Variants in PRLR observed in about 807,000 individuals in gnomAD.
The protein encoded by PRLR is prolactin receptor.
PRLR carries 13 observed loss-of-function variants against 40.2 expected under a neutral mutation model. The observed-to-expected ratio is 0.32, with a 90% CI of 0.21 to 0.51. The LOEUF (loss-of-function observed/expected upper bound fraction) is 0.51, where lower values mean the gene tolerates loss of function less well. PRLR is among the 20% of genes least tolerant of loss of function. PRLR has a pLI of 0.97. For missense variants in PRLR, 656 were observed against 747.3 expected, an observed-to-expected ratio of 0.88 and a Z score of 1.42; for synonymous variants, 269 against 278.7, an observed-to-expected ratio of 0.97 and a Z score of 0.35.
chr5:35,067,735 G>A (rs1018049593), intron 9 of PRLR, among the ~76,000 whole-genome samples: 4 of 152,096 alleles, frequency 2.6e-5, no homozygotes, highest in Non-Finnish European at 4.4e-5. Flanking sequence ...GCAAACAGAT[G>A]GCCCCACAGT....
At chr5:35,108,770 C>A (rs1772443223) in intron 2 of PRLR, among the ~76,000 whole-genome samples, 1 of 152,128 alleles carries the variant, frequency 6.6e-6, no homozygotes, top group Admixed American at 6.5e-5. Context: ...TAATCAACAT[C>A]ATAAAAATGG....
chr5:35,181,487 G>A (rs768734019), intron 1 of PRLR, among the ~76,000 whole-genome samples: 3 of 152,268 alleles, frequency 2.0e-5, no homozygotes, highest in Non-Finnish European at 4.4e-5. Context: ...CTAGGTAGAT[G>A]TCTATTAAGT....
In PRLR at chr5:35,065,124, G is replaced by A; in HGVS notation, c.1834C>T (p.Leu612=). 6.2e-7 allele frequency: 1 copy of A among 1,613,866 alleles called. No homozygotes were observed. Among genetic ancestry groups the A allele is most frequent in the South Asian group, 1.1e-5 (1 of 91,056 alleles). The change falls in exon 10 of 10, where the codon CTG becomes TTG. Residue 612 remains leucine, a synonymous_variant. Transcript: ENST00000618457. ...CRLQLGGLDY[L]DPACFTHSFH is the part of the protein sequence containing the mutation. The stretch of plus-strand genomic sequence containing the variant: ...GAGTGTGTAAAACATGCGGGATCCA[G>A]GTAATCCAAACCACCCAGCTGGAGC...
intron 1 of PRLR, among the ~76,000 whole-genome samples, chr5:35,176,543 T>C (rs1462700135): frequency 1.3e-5 from 2 of 152,238 alleles, no homozygotes; most frequent in African/African-American, 4.8e-5. Context: ...CTGAAACATG[T>C]GCTGTGTCAA....
intron 1 of PRLR, among the ~76,000 whole-genome samples, chr5:35,139,900 A>T (rs560385929): frequency 4.3e-4 from 65 of 150,292 alleles, no homozygotes; most frequent in African/African-American, 1.5e-3. Flanking sequence ...ATTAGAGCAA[A>T]TAAAAAATAT....
At chr5:35,079,722 A>T (rs1471849568) in intron 5 of PRLR, among the ~76,000 whole-genome samples, 1 of 152,268 alleles carries the variant, frequency 6.6e-6, no homozygotes, top group Non-Finnish European at 1.5e-5. Flanking sequence ...AAGAGCCCGT[A>T]TTGCCAAAAC....
chr5:35,049,903 CTTTTTTTT>C (rs57649490), intron 8 of PRLR, among the ~76,000 whole-genome samples: 3 of 123,548 alleles, frequency 2.4e-5, no homozygotes, highest in African/African-American at 9.4e-5. Flanking sequence ...AAACTACATT[CTTTTTTTT>C]TTTTTTTTTT....
chr5:35,091,182 GA>G (rs1327208336), intron 2 of PRLR, among the ~76,000 whole-genome samples: 3 of 152,122 alleles, frequency 2.0e-5, no homozygotes, highest in Admixed American at 1.3e-4. Context: ...CCTGTGAGGT[GA>G]CCCGTATTTT....
At chr5:35,051,042 T>C (rs527801034), downstream of PRLR, among the ~76,000 whole-genome samples, 3 of 152,358 alleles carry the variant, frequency 2.0e-5, no homozygotes, top group Admixed American at 6.5e-5. Flanking sequence ...AAACTGATTT[T>C]CTTGAAAAAT....
rs1274388965 is a variant in PRLR at position 35,191,219 on chromosome 5, C to T, written c.-106+39049G>A. Among the ~76,000 whole-genome samples, 8 of 127,976 alleles carry T rather than the reference C, an allele frequency of 6.3e-5. 1 individual carries two copies. Among genetic ancestry groups the T allele is most frequent in the Non-Finnish European group, 8.5e-5 (5 of 58,766 alleles). The allele number at this position is 127,976 out of a possible 152,430, so 84.0% of individuals were successfully genotyped here. A position where few individuals can be genotyped will look rare whatever the true frequency, so the allele number is the denominator to read the frequency against. ...CCAAGTAGCTGGGACTACAGGCGCCCGCCACTACGCCCGGCTAATTTTTTG... is the reference window on the plus strand; with the variant it reads ...CCAAGTAGCTGGGACTACAGGCGCCTGCCACTACGCCCGGCTAATTTTTTG... On this transcript the variant is annotated intron_variant, in intron 1 of 9. Coordinates refer to ENST00000618457, the MANE Select transcript of PRLR (RefSeq NM_000949.7).
At chr5:35,160,385 G>A (rs1774640250) in intron 1 of PRLR, among the ~76,000 whole-genome samples, 1 of 152,172 alleles carries the variant, frequency 6.6e-6, no homozygotes, top group African/African-American at 2.4e-5. Flanking sequence ...GGCAGTGAAG[G>A]AGATCTGATT....
chr5:35,147,493 A>C (rs1028797784), intron 1 of PRLR, among the ~76,000 whole-genome samples: 3 of 152,202 alleles, frequency 2.0e-5, no homozygotes, highest in African/African-American at 7.2e-5. Context: ...ATAATCAGAC[A>C]ATTTATGTCT....
chr5:35,177,414 A>T (rs1307659430), intron 1 of PRLR, among the ~76,000 whole-genome samples: 1 of 152,070 alleles, frequency 6.6e-6, no homozygotes, highest in African/African-American at 2.4e-5. Flanking sequence ...ATCAATTTTA[A>T]AACATTTTTT....
At chr5:35,086,185 T>G in intron 4 of PRLR, 23 bp downstream of exon 4, 1 of 1,613,188 alleles carries the variant, frequency 6.2e-7, no homozygotes, top group Non-Finnish European at 8.5e-7. Flanking sequence ...TGGGGTTTCA[T>G]AGGAGAGAAG....
At chr5:35,185,912 A>G (rs960408991) in intron 1 of PRLR, among the ~76,000 whole-genome samples, 1 of 152,174 alleles carries the variant, frequency 6.6e-6, no homozygotes, top group African/African-American at 2.4e-5. Context: ...CAACCATATT[A>G]GTGTTCTCTG....
chr5:35,150,915 C>A (rs1774325026), intron 1 of PRLR, among the ~76,000 whole-genome samples: 3 of 152,116 alleles, frequency 2.0e-5, no homozygotes, highest in South Asian at 2.1e-4. Context: ...GCATTCCCTC[C>A]AGGAACAAGC....
intron 1 of PRLR, among the ~76,000 whole-genome samples, chr5:35,119,444 T>C (rs7705243): frequency 0.65 from 97,767 of 151,562 alleles, 32,667 homozygotes; most frequent in African/African-American, 0.78. Flanking sequence ...GCTGTTGGCA[T>C]GATCAATCAA....
intron 2 of PRLR, among the ~76,000 whole-genome samples, chr5:35,107,919 C>T (rs1772377767): frequency 6.6e-6 from 1 of 152,000 alleles, no homozygotes; most frequent in Non-Finnish European, 1.5e-5. Context: ...GAGACACACA[C>T]AAAAAAGAGA....
chr5:35,141,914 G>A (rs779587516), intron 1 of PRLR, among the ~76,000 whole-genome samples: 2 of 152,106 alleles, frequency 1.3e-5, no homozygotes, highest in Admixed American at 6.5e-5. Context: ...ACTGGTTCCC[G>A]TCTCCTCCAC....
Sources: allele counts gnomAD v4.1 joint callset (sites outside exome capture counted in the v4.1 genomes callset), GRCh38; gene constraint gnomAD v4.1.1; transcripts MANE v1.5; gene names NCBI Gene and HGNC (gene_info 2026-07-23, HGNC 2026-07-21).